The following DOCK8 variants were observed in gnomAD, a reference collection of about 807,000 sequenced individuals.
DOCK8 encodes the protein dedicator of cytokinesis protein 8.
In DOCK8, 141 loss-of-function variants were observed where a neutral mutation model predicts 245.6. The observed-to-expected ratio is 0.57, with a 90% confidence interval of 0.50 to 0.66. The LOEUF is 0.66. Among genes scored for constraint, DOCK8 ranks in the 30% least tolerant of loss-of-function variants. The pLI is 0.00. For synonymous variants in DOCK8, 1,168 were observed against 970.2 expected (o/e 1.20, Z -3.79); for missense variants, 2,965 against 2,603.4 (o/e 1.14, Z -3.02).
chr9:332,728 G>A (rs2051080726), intron 10 of DOCK8, among the ~76,000 whole-genome samples: 1 of 134,598 alleles, frequency 7.4e-6, no homozygotes, highest in South Asian at 2.4e-4. Flanking sequence ...TGCAATCACG[G>A]CCCCCTACAA....
intron 26 of DOCK8, among the ~76,000 whole-genome samples, chr9:400,867 C>T (rs1472622038): frequency 9.5e-6 from 1 of 105,158 alleles, no homozygotes; most frequent in Non-Finnish European, 1.8e-5. Flanking sequence ...CCTCCTCCAC[C>T]ATCACCACCA....
chr9:237,010 C>G (rs949761925), intron 1 of DOCK8, among the ~76,000 whole-genome samples: 1 of 152,230 alleles, frequency 6.6e-6, no homozygotes, highest in Non-Finnish European at 1.5e-5. Flanking sequence ...TATTATAGTT[C>G]TTGCCTGGCG....
At chr9:412,385 A>G (rs1425053713) in intron 28 of DOCK8, among the ~76,000 whole-genome samples, 1 of 148,858 alleles carries the variant, frequency 6.7e-6, no homozygotes, top group African/African-American at 2.5e-5. Flanking sequence ...AGCCTGGGCC[A>G]CAGAGTAAGA....
chr9:400,940 A>ACCTCCT (rs1322390218), intron 26 of DOCK8, among the ~76,000 whole-genome samples: 6 of 55,696 alleles, frequency 1.1e-4, no homozygotes, highest in Non-Finnish European at 1.7e-4. Context: ...AACATCCACC[A>ACCTCCT]CCACCATCAC....
intron 2 of DOCK8, chr9:276,956 A>G: frequency 6.0e-6 from 2 of 331,708 alleles, no homozygotes; most frequent in South Asian, 2.1e-5. Context: ...CCACAGGCGC[A>G]CCATTGCGCC....
chr9:364,736 T>TA, intron 14 of DOCK8, among the ~76,000 whole-genome samples: 1 of 151,902 alleles, frequency 6.6e-6, no homozygotes. Flanking sequence ...GGAGCAATGA[T>TA]ATAGTGGGTG....
chr9:429,341 T>G (rs570668174), intron 35 of DOCK8, among the ~76,000 whole-genome samples: 5 of 152,342 alleles, frequency 3.3e-5, no homozygotes, highest in African/African-American at 1.2e-4. Flanking sequence ...GTAAAATTCT[T>G]CTGCTCATCC....
rs72701253 is a variant in DOCK8 at position 284,075 on chromosome 9, G to A, written c.157-2386G>A. Among the ~76,000 whole-genome samples the A allele has an allele frequency of 3.9e-4, 59 of 152,272 alleles. 1 individual carries two copies. The highest frequency in any genetic ancestry group is 1.2e-3 in the African/African-American group (50 of 41,570). Reference sequence around the variant, plus strand: ...TAAACTTTATAGTAATGAGGTTGGGGCTGGAAAAAATGCAGTTTCATAATT... The same window carrying A: ...TAAACTTTATAGTAATGAGGTTGGGACTGGAAAAAATGCAGTTTCATAATT... On this transcript the variant is annotated intron_variant, in intron 2 of 47. Coordinates refer to ENST00000432829, the MANE Select transcript of DOCK8 (RefSeq NM_203447.4).
At chr9:313,141 G>A (rs767520048) in intron 6 of DOCK8, among the ~76,000 whole-genome samples, 1 of 152,182 alleles carries the variant, frequency 6.6e-6, no homozygotes, top group Non-Finnish European at 1.5e-5. Flanking sequence ...GCAGTCATGA[G>A]ATAGGATATC....
At chr9:370,639 C>T (rs1345890818) in intron 16 of DOCK8, among the ~76,000 whole-genome samples, 1 of 152,248 alleles carries the variant, frequency 6.6e-6, no homozygotes, top group Non-Finnish European at 1.5e-5. Context: ...CACAGTCCGG[C>T]TCCCCTTGCC....
intron 2 of DOCK8, among the ~76,000 whole-genome samples, chr9:283,910 C>A (rs894759391): frequency 3.9e-5 from 6 of 152,074 alleles, no homozygotes; most frequent in Non-Finnish European, 8.8e-5. Flanking sequence ...ATGAAAAATT[C>A]AAAACTCTGA....
At chr9:457,168 T>C (rs1259349689) in intron 46 of DOCK8, 1 of 152,026 alleles carries the variant, frequency 6.6e-6, no homozygotes, top group Non-Finnish European at 1.5e-5. Flanking sequence ...GCCTGGCTTA[T>C]AGCTGGAAAT....
chr9:325,826 A>C, intron 8 of DOCK8, 89 bp downstream of exon 8: 2 of 1,227,382 alleles, frequency 1.6e-6, no homozygotes, highest in Non-Finnish European at 2.4e-6. Context: ...TTGCAGCAAG[A>C]ACCTATCAGA....
rs555535587 is a variant in DOCK8, at chr9:327,528, G to A, written c.895-494G>A. 7.4e-4 allele frequency among the ~76,000 whole-genome samples: 112 copies of A among 151,850 alleles called. 1 individual carries two copies. The Middle Eastern group carries it at 0.024, about 32-fold the overall frequency. ...TCCTCCCACCTCAGCGTCCCAAGTC[G>A]CTGGAACCACAGGCACATGCCACCA... On this transcript the variant is annotated intron_variant, in intron 8 of 47. Transcript: ENST00000432829.
chr9:315,944 G>T (rs1449089896), intron 6 of DOCK8, among the ~76,000 whole-genome samples: 1 of 152,148 alleles, frequency 6.6e-6, no homozygotes. Flanking sequence ...GGTCCAGATT[G>T]CCCTGAGCGA....
At chr9:421,424 C>G (rs7042600) in intron 32 of DOCK8, among the ~76,000 whole-genome samples, 71,401 of 152,084 alleles carry the variant, frequency 0.47, 17,509 homozygotes, top group Non-Finnish European at 0.56. Context: ...TTTGGCTAGT[C>G]TATCCGGAGC....
chr9:356,461 C>G (rs1307476775), intron 14 of DOCK8, among the ~76,000 whole-genome samples: 1 of 149,214 alleles, frequency 6.7e-6, no homozygotes, highest in African/African-American at 2.5e-5. Context: ...ACCCAGGAGG[C>G]AGAGCTTGCA....
intron 25 of DOCK8, 23 bp from the exon 26 acceptor site, chr9:399,123 T>A: frequency 3.7e-6 from 6 of 1,604,394 alleles, no homozygotes; most frequent in African/African-American, 1.3e-5. Flanking sequence ...ACAAAATGAT[T>A]TGGGTGTTTG....
intron 33 of DOCK8, among the ~76,000 whole-genome samples, chr9:425,669 A>G (rs1291931289): frequency 6.6e-6 from 1 of 151,780 alleles, no homozygotes; most frequent in African/African-American, 2.4e-5. Context: ...AAGGCAGAGC[A>G]TCACTTGAGC....
Sources: allele counts gnomAD v4.1 joint callset (sites outside exome capture counted in the v4.1 genomes callset), GRCh38; gene constraint gnomAD v4.1.1; transcripts MANE v1.5; gene names NCBI Gene and HGNC (gene_info 2026-07-23, HGNC 2026-07-21).